FBXO25: variants seen among roughly 807,000 people sequenced by gnomAD.
FBXO25 encodes F-box only protein 25.
FBXO25 carries 45 observed loss-of-function variants against 51.9 expected under a neutral mutation model. That is an observed-to-expected ratio of 0.87 (90% CI 0.68 to 1.11). The LOEUF is 1.11. Among genes scored for constraint, FBXO25 ranks in the 50% most tolerant of loss-of-function variants. The probability of loss-of-function intolerance (pLI) is 0.00; values close to 1 mark genes in which losing one functional copy is unlikely to be tolerated. For missense variants in FBXO25, 507 were observed against 428.5 expected (o/e 1.18, Z -1.62); for synonymous variants, 199 against 151.0 (o/e 1.32, Z -2.33).
chr8:463,110 C>T lies in FBXO25; in HGVS notation c.947C>T (p.Thr316Ile). The stretch of plus-strand genomic sequence containing the variant: ...CCAGCGAAGGAGCAGTACGGAGACA[C>T]ACTGCATTTCTGTCGGCACTGCAGC... ...HYPAKEQYGD[T>I]LHFCRHCSIL... is the part of the protein sequence containing the mutation. The change falls in exon 9 of 10, where the codon ACA (threonine) becomes ATA (isoleucine). Residue 316 changes from threonine (T) to isoleucine (I), a missense_variant. Physicochemically the swap from Thr to Ile is moderately conservative, Grantham distance 89. Transcript: ENST00000350302. 2 of 1,613,636 alleles carry T rather than the reference C, an allele frequency of 1.2e-6. No individual in the cohort carries two copies. The highest frequency in any genetic ancestry group is 2.2e-5 in the East Asian group (1 of 44,864).
Position 458,485 on chromosome 8 carries a change from G to T in FBXO25, c.777G>T (p.Leu259Phe), listed in dbSNP as rs748984763. The change falls in exon 8 of 10, where the codon TTG becomes TTT. Residue 259 changes from leucine (L) to phenylalanine (F), a missense_variant. Coordinates refer to ENST00000350302, the MANE Select transcript of FBXO25 (RefSeq NM_183420.2). Reference protein sequence around the residue: ...IITLGQVTPTLYMLSEDRQLW... With the variant: ...IITLGQVTPTFYMLSEDRQLW... ...CCTTAGGCCAGGTGACCCCCACGTT[G>T]TATATGCTTAGTGAAGACAGACAGC... 1.9e-6 allele frequency: 3 copies of T among 1,614,042 alleles called. No individual in the cohort carries two copies. Among genetic ancestry groups the T allele is most frequent in the East Asian group, 2.2e-5 (1 of 44,874 alleles).
At chr8:464,152 G>A (rs567469315) in intron 9 of FBXO25, among the ~76,000 whole-genome samples, 4 of 152,196 alleles carry the variant, frequency 2.6e-5, no homozygotes, top group South Asian at 2.1e-4. Flanking sequence ...GGGTTTCACC[G>A]TGTTACCCAT....
intron 7 of FBXO25, among the ~76,000 whole-genome samples, chr8:458,034 C>T (rs1799568053): frequency 6.6e-6 from 1 of 152,210 alleles, no homozygotes; most frequent in Non-Finnish European, 1.5e-5. Flanking sequence ...GCCACATCCA[C>T]AGACGCTGCC....
At chr8:461,855 A>G (rs1292571893) in intron 8 of FBXO25, among the ~76,000 whole-genome samples, 1 of 152,210 alleles carries the variant, frequency 6.6e-6, no homozygotes, top group Non-Finnish European at 1.5e-5. Context: ...ACTGAATAAT[A>G]TCCCCCTCTA....
chr8:449,876 C>T (rs955204338), intron 5 of FBXO25, 114 bp from the exon 6 acceptor site: 3 of 744,106 alleles, frequency 4.0e-6, no homozygotes, highest in Non-Finnish European at 6.8e-6. Flanking sequence ...GATACAGTGA[C>T]TTAATTTAGG....
In FBXO25 at chr8:450,090, T is replaced by C; in HGVS notation, c.475+7T>C. 1.3e-6 allele frequency: 2 copies of C among 1,590,236 alleles called. No homozygotes were observed. Among genetic ancestry groups the C allele is most frequent in the Non-Finnish European group, 1.7e-6 (2 of 1,162,558 alleles). On this transcript the variant is annotated splice_region_variant and intron_variant, in intron 6 of 9. Transcript: ENST00000350302. ...GATAAAATCGTTCAAAAGGGTAAGA[T>C]GATCACTGTATTTTTAATACTCTAA...
chr8:440,638 G>T (rs1295118468), intron 5 of FBXO25, among the ~76,000 whole-genome samples: 4 of 151,756 alleles, frequency 2.6e-5, no homozygotes, highest in Non-Finnish European at 4.4e-5. Flanking sequence ...TGCTCAATGT[G>T]CAGGTTTGTT....
chr8:420,843 A>G (rs1407140132), intron 2 of FBXO25, among the ~76,000 whole-genome samples: 1 of 152,250 alleles, frequency 6.6e-6, no homozygotes, highest in Non-Finnish European at 1.5e-5. Context: ...GGACTGTGTT[A>G]GATTTGACTG....
At chr8:442,097 C>T (rs568297506) in intron 5 of FBXO25, among the ~76,000 whole-genome samples, 1 of 152,194 alleles carries the variant, frequency 6.6e-6, no homozygotes, top group Non-Finnish European at 1.5e-5. Flanking sequence ...CTTTTGTTTG[C>T]TCTGGTGAGT....
chr8:416,404 C>A (rs1339784819), intron 2 of FBXO25, among the ~76,000 whole-genome samples: 1 of 152,206 alleles, frequency 6.6e-6, no homozygotes, highest in Non-Finnish European at 1.5e-5. Context: ...TTGACTTTAT[C>A]CTGAATCTTT....
chr8:474,855 G>A lies in FBXO25; in HGVS notation c.*6051G>A, dbSNP rs1800597092. The A allele has an allele frequency of 2.2e-6, 1 of 453,240 alleles. No individual in the cohort carries two copies. The highest frequency in any genetic ancestry group is 2.0e-5 in the African/African-American group (1 of 48,786). The allele number at this position is 453,240 out of a possible 1,614,324, so 28.1% of individuals were successfully genotyped here. A position where few individuals can be genotyped will look rare whatever the true frequency, so the allele number is the denominator to read the frequency against. On this transcript the variant is annotated 3_prime_UTR_variant, in exon 10 of 10. Transcript: ENST00000350302. ...TTGTTTCTTTCTTTTAGTTACCTGT[G>A]TGTGCCTCTGGTGTCATATCTAAGA...
At chr8:453,763 A>C (rs1294133667) in intron 7 of FBXO25, among the ~76,000 whole-genome samples, 1 of 152,192 alleles carries the variant, frequency 6.6e-6, no homozygotes, top group Non-Finnish European at 1.5e-5. Context: ...CTCAGGATAT[A>C]GGGCCAGCTT....
chr8:409,037 G>C (rs5009624), intron 1 of FBXO25, among the ~76,000 whole-genome samples: 10,924 of 152,178 alleles, frequency 0.072, 411 homozygotes, highest in African/African-American at 0.094. Flanking sequence ...CATTCCCATT[G>C]AAAGCCGTGG....
intron 1 of FBXO25, among the ~76,000 whole-genome samples, chr8:412,666 T>G (rs1197663286): frequency 1.3e-5 from 2 of 152,228 alleles, no homozygotes. Flanking sequence ...TATTCTAAGC[T>G]TCAACCAAAC....
intron 3 of FBXO25, among the ~76,000 whole-genome samples, chr8:431,918 G>T (rs563842602): frequency 6.6e-6 from 1 of 152,196 alleles, no homozygotes; most frequent in Non-Finnish European, 1.5e-5. Context: ...ACATGTTAAT[G>T]TATAGTAGGC....
rs528550119 is a variant in FBXO25 at position 407,514 on chromosome 8, C to G, written c.-8+448C>G. 7.8e-5 allele frequency: 70 copies of G among 898,014 alleles called. 1 individual carries two copies. In the African/African-American group the frequency reaches 9.8e-4, roughly 13 times the overall value. 55.6% of individuals were successfully genotyped at this position (898,014 alleles called of 1,614,324 possible). A position where few individuals can be genotyped will look rare whatever the true frequency, so the allele number is the denominator to read the frequency against. On this transcript the variant is annotated intron_variant, in intron 1 of 9. Transcript: ENST00000350302. ...GCCGCCCACAGGTGCACCGCGCGTC[C>G]TCAGCCGCTTCCCCTGCCCACCTTC...
chr8:435,021 A>G (rs557645289), intron 4 of FBXO25, among the ~76,000 whole-genome samples: 14 of 152,172 alleles, frequency 9.2e-5, no homozygotes, highest in South Asian at 4.2e-4. Flanking sequence ...CTCCATCCCA[A>G]TGCTGGTTTT....
At chr8:449,960 C>G in intron 5 of FBXO25, 30 bp from the exon 6 acceptor site, 1 of 1,434,936 alleles carries the variant, frequency 7.0e-7, no homozygotes, top group Non-Finnish European at 9.7e-7. Context: ...ATATATATAT[C>G]GCTCAGCTTT....
chr8:449,235 A>G (rs548626809), intron 5 of FBXO25, among the ~76,000 whole-genome samples: 1 of 152,368 alleles, frequency 6.6e-6, no homozygotes, highest in Admixed American at 6.5e-5. Flanking sequence ...GACAAAAAGC[A>G]TTAAAGGAAA....
Sources: allele counts gnomAD v4.1 joint callset (sites outside exome capture counted in the v4.1 genomes callset), GRCh38; gene constraint gnomAD v4.1.1; transcripts MANE v1.5; gene names NCBI Gene and HGNC (gene_info 2026-07-23, HGNC 2026-07-21).